PTPRM: variants seen among roughly 807,000 people sequenced by gnomAD.
The protein encoded by PTPRM is protein tyrosine phosphatase receptor type M.
Under a neutral mutation model 186.7 loss-of-function variants are expected in PTPRM, and 47 were observed. That is an observed-to-expected ratio of 0.25 (90% CI 0.20 to 0.32). The LOEUF (loss-of-function observed/expected upper bound fraction) is 0.32, where lower values mean the gene tolerates loss of function less well. Ranked by LOEUF, PTPRM falls within the 10% of genes least tolerant of loss-of-function variation. The pLI, the probability that PTPRM is intolerant of heterozygous loss-of-function variation, is 1.00. For synonymous variants in PTPRM, 668 were observed against 674.9 expected (o/e 0.99, Z 0.16); for missense variants, 1,494 against 1,865.0 (o/e 0.80, Z 3.66).
chr18:7,724,478 C>T (rs964790918), intron 1 of PTPRM, among the ~76,000 whole-genome samples: 1 of 152,048 alleles, frequency 6.6e-6, no homozygotes, highest in Non-Finnish European at 1.5e-5. Context: ...AAGGCGGATT[C>T]ATTTAAACCA....
chr18:7,809,037 T>G (rs538001183), intron 2 of PTPRM, among the ~76,000 whole-genome samples: 1 of 151,606 alleles, frequency 6.6e-6, no homozygotes, highest in Admixed American at 6.5e-5. Flanking sequence ...CCCCATGAAT[T>G]TAATTCTCAG....
At chr18:8,227,599 G>A (rs2094229876) in intron 14 of PTPRM, among the ~76,000 whole-genome samples, 1 of 152,096 alleles carries the variant, frequency 6.6e-6, no homozygotes, top group South Asian at 2.1e-4. Context: ...GGCTTGCCTT[G>A]TTTCTATTAC....
intron 13 of PTPRM, among the ~76,000 whole-genome samples, chr18:8,135,235 A>G (rs2092610272): frequency 6.6e-6 from 1 of 152,228 alleles, no homozygotes; most frequent in South Asian, 2.1e-4. Context: ...TCTTCATTGT[A>G]TAAAAGGATC....
intron 1 of PTPRM, among the ~76,000 whole-genome samples, chr18:7,604,944 A>G (rs1292346459): frequency 6.6e-6 from 1 of 152,154 alleles, no homozygotes; most frequent in Non-Finnish European, 1.5e-5. Context: ...TATAGCTGCT[A>G]TAGGTCCTCA....
At chr18:7,694,391 A>G (rs2039797117) in intron 1 of PTPRM, among the ~76,000 whole-genome samples, 3 of 151,808 alleles carry the variant, frequency 2.0e-5, no homozygotes, top group Admixed American at 2.0e-4. Context: ...GTAGACAGTC[A>G]ATAGTAGGAA....
chr18:7,797,646 C>A (rs1163108556), intron 2 of PTPRM, among the ~76,000 whole-genome samples: 3 of 151,850 alleles, frequency 2.0e-5, no homozygotes, highest in African/African-American at 4.9e-5. Context: ...GCATAATCCT[C>A]ACTTCTTCTG....
chr18:7,865,628 A>T (rs183802851), intron 2 of PTPRM, among the ~76,000 whole-genome samples: 206 of 152,138 alleles, frequency 1.4e-3, no homozygotes, highest in African/African-American at 4.6e-3. Context: ...TTCATCAGGG[A>T]TATTGGCCTG....
intron 1 of PTPRM, among the ~76,000 whole-genome samples, chr18:7,601,020 G>A (rs1372405555): frequency 6.6e-6 from 1 of 152,160 alleles, no homozygotes; most frequent in Non-Finnish European, 1.5e-5. Context: ...CTGTGTGACC[G>A]AGCCCCGGAG....
At chr18:7,918,546 A>G (rs1408591159) in intron 4 of PTPRM, among the ~76,000 whole-genome samples, 1 of 152,144 alleles carries the variant, frequency 6.6e-6, no homozygotes, top group Non-Finnish European at 1.5e-5. Context: ...CTTATGAGAA[A>G]ATTAATTAGA....
chr18:7,867,138 C>T lies in PTPRM; in HGVS notation c.197-20968C>T, dbSNP rs150542753. On this transcript the variant is annotated intron_variant, in intron 2 of 32. Coordinates refer to ENST00000580170, the MANE Select transcript of PTPRM (RefSeq NM_001105244.2). ...CTGAATACAGCACACTGATGGGTCTCGACTCTTTGTCCAGTTTATCAGTCT... is the reference window on the plus strand; with the variant it reads ...CTGAATACAGCACACTGATGGGTCTTGACTCTTTGTCCAGTTTATCAGTCT... 7.1e-3 allele frequency among the ~76,000 whole-genome samples: 1,086 copies of T among 152,232 alleles called. 7 individuals carry two copies. Among genetic ancestry groups the T allele is most frequent in the African/African-American group, 0.025 (1,044 of 41,522 alleles).
intron 1 of PTPRM, among the ~76,000 whole-genome samples, chr18:7,693,437 A>G (rs667517): frequency 0.64 from 97,726 of 152,108 alleles, 33,365 homozygotes; most frequent in East Asian, 0.99. Flanking sequence ...GTTTAATAAT[A>G]CCCTCCTGTT....
At chr18:7,664,735 T>A (rs2039059252) in intron 1 of PTPRM, among the ~76,000 whole-genome samples, 1 of 152,148 alleles carries the variant, frequency 6.6e-6, no homozygotes, top group Non-Finnish European at 1.5e-5. Flanking sequence ...CATAACTCTT[T>A]TGTTGAGGGA....
At position 7,820,638 on chromosome 18, in the gene PTPRM, C is replaced by T. The variant is rs182421770; in HGVS notation, c.196+46367C>T. On this transcript the variant is annotated intron_variant, in intron 2 of 32. Transcript: ENST00000580170. ...TCAGAGTGTGTTCCCTGAAGAGCCT[C>T]GCCTCTTCAGTTCAGAAATGTTTCC... 1.2e-3 allele frequency among the ~76,000 whole-genome samples: 184 copies of T among 152,212 alleles called. 2 individuals are homozygous for T. Among genetic ancestry groups the T allele is most frequent in the African/African-American group, 4.1e-3 (172 of 41,540 alleles).
intron 13 of PTPRM, among the ~76,000 whole-genome samples, chr18:8,142,512 T>G (rs1247921594): frequency 6.6e-6 from 1 of 152,150 alleles, no homozygotes; most frequent in Non-Finnish European, 1.5e-5. Flanking sequence ...GATAACTCAT[T>G]TTAGAGTTTG....
intron 9 of PTPRM, among the ~76,000 whole-genome samples, chr18:8,079,229 C>G (rs903694421): frequency 5.9e-5 from 9 of 152,294 alleles, no homozygotes; most frequent in African/African-American, 1.9e-4. Context: ...CCTTGCCTCT[C>G]TGACCTTGTC....
intron 13 of PTPRM, among the ~76,000 whole-genome samples, chr18:8,119,745 G>A (rs150223206): frequency 1.3e-5 from 2 of 152,144 alleles, no homozygotes; most frequent in Non-Finnish European, 2.9e-5. Context: ...GGTAAATGCT[G>A]GCTCAACAAG....
Position 7,726,836 on chromosome 18 carries a change from A to G in PTPRM, c.74-47313A>G, listed in dbSNP as rs368359251. Among the ~76,000 whole-genome samples, 7 of 152,176 alleles carry G rather than the reference A, an allele frequency of 4.6e-5. No individual in the cohort carries two copies. In the East Asian group the frequency reaches 1.4e-3, roughly 29 times the overall value. On this transcript the variant is annotated intron_variant, in intron 1 of 32. Coordinates refer to ENST00000580170, the MANE Select transcript of PTPRM (RefSeq NM_001105244.2). Reference sequence around the variant, plus strand: ...TAAGATTTCATGACTTTTTAATGCAACTCTGTTATTATTTTGCAAATCAGT... The same window carrying G: ...TAAGATTTCATGACTTTTTAATGCAGCTCTGTTATTATTTTGCAAATCAGT...
rs185492328 is a variant in PTPRM, at chr18:8,374,403, A to G, written c.3172-1643A>G. On this transcript the variant is annotated intron_variant, in intron 24 of 32. Transcript: ENST00000580170. ...CTTTGGAATAAAGTATTTACCGTCA[A>G]TAAGCTTTCCCAGTTCATATATGGG... 7.2e-3 allele frequency among the ~76,000 whole-genome samples: 1,093 copies of G among 152,314 alleles called. 11 individuals are homozygous for G. The highest frequency in any genetic ancestry group is 0.021 in the African/African-American group (861 of 41,558).
chr18:8,365,477 A>C (rs1444901844), intron 23 of PTPRM, among the ~76,000 whole-genome samples: 4 of 152,230 alleles, frequency 2.6e-5, no homozygotes, highest in Non-Finnish European at 5.9e-5. Flanking sequence ...TGGGAGTTGC[A>C]ATGATCTTGA....
Sources: gnomAD v4.1 joint callset for allele counts (sites outside exome capture counted in the v4.1 genomes callset) on GRCh38, gnomAD v4.1.1 for gene constraint, MANE v1.5 for transcripts, NCBI Gene and HGNC (gene_info 2026-07-23, HGNC 2026-07-21) for gene names.